The following PTPRH variants were observed in gnomAD, a reference collection of about 807,000 sequenced individuals.
PTPRH encodes the protein receptor-type tyrosine-protein phosphatase H.
PTPRH carries 113 observed loss-of-function variants against 130.2 expected under a neutral mutation model. The observed-to-expected ratio is 0.87, with a 90% confidence interval of 0.75 to 1.01. The LOEUF (loss-of-function observed/expected upper bound fraction) is 1.01, where lower values mean the gene tolerates loss of function less well. Ranked by LOEUF, PTPRH falls within the 50% of genes least tolerant of loss-of-function variation. The probability of loss-of-function intolerance (pLI) is 0.00; values close to 1 mark genes in which losing one functional copy is unlikely to be tolerated. For synonymous variants in PTPRH, 556 were observed against 577.9 expected, an observed-to-expected ratio of 0.96 and a Z score of 0.54; for missense variants, 1,430 against 1,425.0, an observed-to-expected ratio of 1.00 and a Z score of -0.06.
In PTPRH at chr19:55,191,863, A is replaced by G. The variant is rs1449547553; in HGVS notation, c.2258-122T>C. On this transcript the variant is annotated intron_variant, in intron 10 of 19. Transcript: ENST00000376350. ...GTCCAAAGACAGCTGACCCCCGAAC[A>G]TCACACGGTGTGAATTGCGTCGGTC... 4.7e-6 allele frequency: 4 copies of G among 856,366 alleles called. No individual in the cohort carries two copies. In the African/African-American group the frequency reaches 7.3e-5, roughly 16 times the overall value. The allele number at this position is 856,366 out of a possible 1,614,324, so 53.0% of individuals were successfully genotyped here.
chr19:55,203,552 A>G (rs2084046571), intron 5 of PTPRH, among the ~76,000 whole-genome samples: 1 of 151,286 alleles, frequency 6.6e-6, no homozygotes, highest in Admixed American at 6.6e-5. Flanking sequence ...AGTAGGTGGG[A>G]CCACGGGAAC....
intron 12 of PTPRH, 117 bp downstream of exon 12, chr19:55,191,384 T>C: frequency 8.0e-7 from 1 of 1,247,364 alleles, no homozygotes; most frequent in South Asian, 1.3e-5. Context: ...CATGGGCCCC[T>C]TCTGAGACCT....
At position 55,197,248 on chromosome 19, in the gene PTPRH, T is replaced by C. The variant is rs200133483; in HGVS notation, c.1859A>G (p.Asn620Ser). 33 of 1,614,280 alleles carry C rather than the reference T, an allele frequency of 2.0e-5. 1 individual carries two copies. The East Asian group carries it at 6.5e-4, about 32-fold the overall frequency. ...CGTCTCATTGGTCCTGCTGGTCTGGTTGACCCAATTCGCTTGGGGATCTTG... is the reference window on the plus strand; with the variant it reads ...CGTCTCATTGGTCCTGCTGGTCTGGCTGACCCAATTCGCTTGGGGATCTTG... ...RGQDPQANWV[N>S]QTSRTNETWY... Residue 620 changes from asparagine (N) to serine (S), a missense_variant, in exon 9 of 20, where the codon AAC (asparagine) becomes AGC (serine). Physicochemically the swap from Asn to Ser is conservative, Grantham distance 46. Coordinates refer to ENST00000376350, the MANE Select transcript of PTPRH (RefSeq NM_002842.5).
rs372926743 is a variant in PTPRH at position 55,185,595 on chromosome 19, G to A, written c.2969C>T (p.Pro990Leu). ...HYQAWPDHGVPSSPDTLLAFW... is the reference protein window; with the variant it reads ...HYQAWPDHGVLSSPDTLLAFW... ...AGCCAGCAAGGTGTCTGGGGAGGAGGGAACGCCGTGATCCGGCCAGGCCTG... is the reference window on the plus strand; with the variant it reads ...AGCCAGCAAGGTGTCTGGGGAGGAGAGAACGCCGTGATCCGGCCAGGCCTG... The change falls in exon 18 of 20, where the codon CCC becomes CTC. Residue 990 changes from proline (P) to leucine (L), a missense_variant. Coordinates refer to ENST00000376350, the MANE Select transcript of PTPRH (RefSeq NM_002842.5). The A allele has an allele frequency of 1.8e-5, 29 of 1,614,110 alleles. No individual in the cohort carries two copies. The highest frequency in any genetic ancestry group is 2.4e-5 in the Non-Finnish European group (28 of 1,180,044).
At chr19:55,188,725 C>G (rs978682316) in intron 12 of PTPRH, among the ~76,000 whole-genome samples, 1 of 152,096 alleles carries the variant, frequency 6.6e-6, no homozygotes, top group East Asian at 1.9e-4. Context: ...TTTCAGCCCC[C>G]ACCGGCCTGA....
chr19:55,198,517 GCT>G (rs1215499811), intron 8 of PTPRH, 124 bp downstream of exon 8: 7 of 1,060,330 alleles, frequency 6.6e-6, no homozygotes, highest in Non-Finnish European at 7.7e-6. Context: ...ACAGGTTTAA[GCT>G]CCGGCCGGTG....
At chr19:55,193,534 C>A (rs1364246235) in intron 10 of PTPRH, among the ~76,000 whole-genome samples, 2 of 152,210 alleles carry the variant, frequency 1.3e-5, no homozygotes, top group Admixed American at 1.3e-4. Context: ...AGACACCGGG[C>A]AATGTCTGGA....
At chr19:55,203,372 T>A (rs950143990) in intron 5 of PTPRH, among the ~76,000 whole-genome samples, 1 of 145,686 alleles carries the variant, frequency 6.9e-6, no homozygotes, top group Non-Finnish European at 1.5e-5. Context: ...ACATAAAATA[T>A]CTCATAGTAA....
intron 8 of PTPRH, 67 bp downstream of exon 8, chr19:55,198,576 A>G (rs924479133): frequency 2.0e-6 from 3 of 1,466,354 alleles, no homozygotes; most frequent in Non-Finnish European, 2.7e-6. Flanking sequence ...AGGAGCTCCC[A>G]AAGTCCTTTC....
Position 55,186,236 on chromosome 19 carries a change from C to T in PTPRH, c.2767G>A (p.Glu923Lys). The change falls in exon 16 of 20, where the codon GAG (glutamate) becomes AAG (lysine). Residue 923 changes from glutamate (E) to lysine (K), a missense_variant. Glu to Lys is a moderately conservative substitution (Grantham distance 56). Transcript: ENST00000376350. ...CTCAGATCTCTCACCCGGCCGGCCTCCATGCAGTTGGTCAGCATGACCAGG... is the reference window on the plus strand; with the variant it reads ...CTCAGATCTCTCACCCGGCCGGCCTTCATGCAGTTGGTCAGCATGACCAGG... ...HTLVMLTNCM[E>K]AGRVKCEHYW... 1.2e-6 allele frequency: 2 copies of T among 1,610,378 alleles called. No individual in the cohort carries two copies. The highest frequency in any genetic ancestry group is 1.7e-6 in the Non-Finnish European group (2 of 1,177,228).
intron 6 of PTPRH, among the ~76,000 whole-genome samples, chr19:55,201,482 G>C (rs188190040): frequency 1.4e-3 from 215 of 152,344 alleles, no homozygotes; most frequent in African/African-American, 4.2e-3. Context: ...GAGGATGAAG[G>C]GGGGACTGGG....
chr19:55,205,348 C>T lies in PTPRH; in HGVS notation c.597G>A (p.Arg199=). ...WVGKNGINSS[R]ETRNATTAHN... ...CACCTGTGGTGGCATTTCGAGTCTC[C>T]CGGGAGCTGTTGATTCCATTCTTTC... is the stretch of plus-strand genomic sequence containing the variant. Residue 199 remains arginine (R), a synonymous_variant, in exon 4 of 20, where the codon CGG becomes CGA. Coordinates refer to ENST00000376350, the MANE Select transcript of PTPRH (RefSeq NM_002842.5). 6.2e-7 allele frequency: 1 copy of T among 1,614,152 alleles called. No individual in the cohort carries two copies. Among genetic ancestry groups the T allele is most frequent in the Non-Finnish European group, 8.5e-7 (1 of 1,180,032 alleles).
Position 55,206,904 on chromosome 19 carries a change from A to C in PTPRH, c.137T>G (p.Ile46Ser). 3.1e-6 allele frequency: 5 copies of C among 1,612,312 alleles called. No individual in the cohort carries two copies. The South Asian group carries it at 4.4e-5, about 14-fold the overall frequency. Residue 46 changes from isoleucine to serine, a missense_variant, in exon 3 of 20, where the codon ATC becomes AGC. Transcript: ENST00000376350. ...LTVETQTTSS[I>S]SLSWEVPDGL... The stretch of plus-strand genomic sequence containing the variant: ...ATCGGGGACCTCCCAGCTCAGGGAG[A>C]TGGAGCTGGTGGTCTGAGTCTCCAC...
Position 55,186,531 on chromosome 19 carries a change from G to A in PTPRH, c.2576C>T (p.Ser859Phe). The A allele has an allele frequency of 7.1e-7, 1 of 1,414,558 alleles. No homozygotes were observed. The highest frequency in any genetic ancestry group is 9.2e-7 in the Non-Finnish European group (1 of 1,089,622). The allele number at this position is 1,414,558 out of a possible 1,614,324, so 87.6% of individuals were successfully genotyped here. Reference sequence around the variant, plus strand: ...ATGGATGGGCTTCAGGGGCACCCGGGACCAGTCATCTAGGAGAAGAGGCCA... The same window carrying A: ...ATGGATGGGCTTCAGGGGCACCCGGAACCAGTCATCTAGGAGAAGAGGCCA... ...RYRNVLPYDW[S>F]RVPLKPIHEE... The change falls in exon 15 of 20, where the codon TCC becomes TTC. Residue 859 changes from serine (S) to phenylalanine (F), a missense_variant. Coordinates refer to ENST00000376350, the MANE Select transcript of PTPRH (RefSeq NM_002842.5).
At chr19:55,196,983 G>A (rs1401960670) in intron 9 of PTPRH, 134 bp downstream of exon 9, 4 of 1,253,046 alleles carry the variant, frequency 3.2e-6, no homozygotes, top group Non-Finnish European at 4.4e-6. Context: ...TGAGGCCTTG[G>A]GCTCCTCCAT....
At chr19:55,196,987 C>T in intron 9 of PTPRH, 130 bp downstream of exon 9, 1 of 1,268,854 alleles carries the variant, frequency 7.9e-7, no homozygotes, top group South Asian at 1.5e-5. Context: ...GCCTTGGGCT[C>T]CTCCATCACT....
intron 18 of PTPRH, among the ~76,000 whole-genome samples, chr19:55,184,304 A>C (rs1299133975): frequency 6.7e-6 from 1 of 150,008 alleles, no homozygotes; most frequent in Admixed American, 6.7e-5. Context: ...CAAACAAATA[A>C]ATAAATAAAA....
Position 55,188,129 on chromosome 19 carries a change from G to A in PTPRH, c.2424C>T (p.His808=), listed in dbSNP as rs143797290. The change falls in exon 13 of 20, where the codon CAC becomes CAT. Residue 808 remains histidine (H), a synonymous_variant. Transcript: ENST00000376350. The stretch of plus-strand genomic sequence containing the variant: ...TGCTGTCCCTCTCATTCTTCCTGAC[G>A]TGGTCAGCGAAGTCTTCAGCTGGGA... ...GDIPAEDFAD[H]VRKNERDSNC... The A allele has an allele frequency of 9.3e-5, 150 of 1,614,114 alleles. No individual in the cohort carries two copies. The African/African-American group carries it at 1.1e-3, about 11-fold the overall frequency.
chr19:55,203,099 C>T (rs1484309216), intron 5 of PTPRH, among the ~76,000 whole-genome samples: 12 of 151,134 alleles, frequency 7.9e-5, no homozygotes, highest in East Asian at 4.0e-4. Flanking sequence ...GAGGCCAAGG[C>T]GGGTGGATCA....
Sources: gnomAD v4.1 joint callset for allele counts (sites outside exome capture counted in the v4.1 genomes callset) on GRCh38, gnomAD v4.1.1 for gene constraint, MANE v1.5 for transcripts, NCBI Gene and HGNC (gene_info 2026-07-23, HGNC 2026-07-21) for gene names.